PCDH15: variants seen among roughly 807,000 people sequenced by gnomAD.
The protein encoded by PCDH15 is protocadherin-15.
Under a neutral mutation model 178.5 loss-of-function variants are expected in PCDH15, and 129 were observed. The observed-to-expected ratio is 0.72, with a 90% CI of 0.63 to 0.84. The LOEUF (loss-of-function observed/expected upper bound fraction) is 0.84. Ranked by LOEUF, PCDH15 falls within the 40% of genes least tolerant of loss-of-function variation. The pLI is 0.00. For missense variants in PCDH15, 2,230 were observed against 2,099.9 expected (o/e 1.06, Z -1.21); for synonymous variants, 800 against 732.0 (o/e 1.09, Z -1.50).
At position 54,935,752 on chromosome 10, in the gene PCDH15, C is replaced by T. The variant is rs117232370; in HGVS notation, c.-79-38252G>A. On this transcript the variant is annotated intron_variant, in intron 2 of 5. Coordinates refer to the PCDH15 transcript ENST00000458638. Reference sequence around the variant, plus strand: ...ACCACATAATTCCTTTCTATTATTGCCTCTGAATTTTTTTATACTATTTCA... The same window carrying T: ...ACCACATAATTCCTTTCTATTATTGTCTCTGAATTTTTTTATACTATTTCA... Among the ~76,000 whole-genome samples, 898 of 152,060 alleles carry T rather than the reference C, an allele frequency of 5.9e-3. 7 individuals are homozygous for T. Among genetic ancestry groups the T allele is most frequent in the Middle Eastern group, 0.01 (3 of 294 alleles).
intron 2 of PCDH15, among the ~76,000 whole-genome samples, chr10:55,374,418 A>G (rs990819001): frequency 6.6e-6 from 1 of 152,012 alleles, no homozygotes; most frequent in Admixed American, 6.6e-5. Context: ...CCAGTGCTTG[A>G]CTGAATTATG....
chr10:54,666,847 C>T (rs138349058), intron 1 of PCDH15, among the ~76,000 whole-genome samples: 10 of 152,068 alleles, frequency 6.6e-5, no homozygotes, highest in Non-Finnish European at 8.8e-5. Context: ...TAGTATTATG[C>T]ATTCACAAAT....
chr10:54,517,526 A>T (rs1318744343), intron 3 of PCDH15, among the ~76,000 whole-genome samples: 1 of 152,090 alleles, frequency 6.6e-6, no homozygotes, highest in East Asian at 1.9e-4. Flanking sequence ...CTAAATATAT[A>T]TGCACCCAAT....
At chr10:53,981,389 T>C (rs183534890) in intron 21 of PCDH15, among the ~76,000 whole-genome samples, 5 of 152,110 alleles carry the variant, frequency 3.3e-5, no homozygotes, top group Non-Finnish European at 5.9e-5. Flanking sequence ...GGAATTTCAG[T>C]GAGGCATCAC....
chr10:55,198,642 C>G (rs1309350787), intron 1 of PCDH15, among the ~76,000 whole-genome samples: 1 of 151,594 alleles, frequency 6.6e-6, no homozygotes, highest in Non-Finnish European at 1.5e-5. Flanking sequence ...CACCCGCCAC[C>G]ACGCCCAGCT....
intron 8 of PCDH15, among the ~76,000 whole-genome samples, chr10:54,240,726 G>A (rs902912189): frequency 2.7e-5 from 4 of 147,166 alleles, no homozygotes; most frequent in East Asian, 2.0e-4. Context: ...CCGCCTCCCG[G>A]GTTCACGCCA....
At chr10:54,207,100 A>C (rs2050874673) in intron 10 of PCDH15, among the ~76,000 whole-genome samples, 1 of 152,070 alleles carries the variant, frequency 6.6e-6, no homozygotes, top group African/African-American at 2.4e-5. Context: ...GCCAAATAAA[A>C]TGTCACCTCT....
At position 55,467,342 on chromosome 10, in the gene PCDH15, G is replaced by C. The variant is rs576815776; in HGVS notation, c.-156+160283C>G. Among the ~76,000 whole-genome samples the C allele has an allele frequency of 1.2e-3, 185 of 150,008 alleles. 2 individuals carry two copies. The highest frequency in any genetic ancestry group is 4.3e-3 in the African/African-American group (175 of 40,878). ...ACTCCCATGAGAGGAAAAGGAAACA[G>C]GAGGAAAAGAAAAGCCTGATCTTGG... is the stretch of plus-strand genomic sequence containing the variant. On this transcript the variant is annotated intron_variant, in intron 2 of 5. Transcript: ENST00000613346.
chr10:55,400,113 C>T (rs1186040288), intron 2 of PCDH15, among the ~76,000 whole-genome samples: 1 of 152,112 alleles, frequency 6.6e-6, no homozygotes, highest in Admixed American at 6.6e-5. Flanking sequence ...ATGCACACCT[C>T]ATCCTGTTTT....
chr10:54,793,812 G>T (rs915313955), intron 1 of PCDH15, among the ~76,000 whole-genome samples: 1 of 148,744 alleles, frequency 6.7e-6, no homozygotes, highest in African/African-American at 2.4e-5. Flanking sequence ...GTTAAATAGC[G>T]TAATAGGAAG....
At chr10:55,075,468 C>G (rs1203809288) in intron 2 of PCDH15, among the ~76,000 whole-genome samples, 5 of 150,522 alleles carry the variant, frequency 3.3e-5, no homozygotes, top group Non-Finnish European at 7.4e-5. Context: ...CGGGTTCAAG[C>G]GATTCCCCAG....
At chr10:55,579,984 G>A (rs989110371) in intron 2 of PCDH15, among the ~76,000 whole-genome samples, 1 of 151,984 alleles carries the variant, frequency 6.6e-6, no homozygotes, top group Non-Finnish European at 1.5e-5. Context: ...AACCTCCCGA[G>A]TAGCTGGGAT....
chr10:54,799,543 A>C (rs1206802052), intron 1 of PCDH15, among the ~76,000 whole-genome samples: 1 of 152,142 alleles, frequency 6.6e-6, no homozygotes, highest in Admixed American at 6.6e-5. Context: ...ACACTTAGGT[A>C]GCACAAACTC....
At chr10:54,658,592 A>G (rs2094444916) in intron 2 of PCDH15, among the ~76,000 whole-genome samples, 1 of 152,172 alleles carries the variant, frequency 6.6e-6, no homozygotes, top group Admixed American at 6.5e-5. Flanking sequence ...AGCAAGTGGT[A>G]AGGGAAATTT....
At chr10:54,231,998 T>G (rs1160036892) in intron 9 of PCDH15, among the ~76,000 whole-genome samples, 1 of 152,306 alleles carries the variant, frequency 6.6e-6, no homozygotes, top group Non-Finnish European at 1.5e-5. Flanking sequence ...CAGTTAAGAC[T>G]TGGGGAACTG....
At chr10:54,375,880 A>AATATAT (rs35626392) in intron 4 of PCDH15, among the ~76,000 whole-genome samples, 11 of 129,580 alleles carry the variant, frequency 8.5e-5, no homozygotes, top group African/African-American at 2.4e-4. Context: ...TTTGAAACGG[A>AATATAT]ATATATATAT....
rs562717378 is a variant in PCDH15 at position 55,611,488 on chromosome 10, A to G, written c.-156+16137T>C. On this transcript the variant is annotated intron_variant, in intron 2 of 5. Transcript: ENST00000613346. ...TACTCATTTTAGAATGGCTATTACAAAGAAAAATGAAAGACAAGTGTTGGT... is the reference window on the plus strand; with the variant it reads ...TACTCATTTTAGAATGGCTATTACAGAGAAAAATGAAAGACAAGTGTTGGT... 7.9e-5 allele frequency among the ~76,000 whole-genome samples: 12 copies of G among 152,250 alleles called. No homozygotes were observed. In the South Asian group the frequency reaches 2.5e-3, roughly 32 times the overall value.
intron 26 of PCDH15, among the ~76,000 whole-genome samples, chr10:53,901,182 T>C (rs2082311424): frequency 6.6e-6 from 1 of 151,898 alleles, no homozygotes; most frequent in African/African-American, 2.4e-5. Flanking sequence ...GTCAAACCCA[T>C]TTTCAGGGTG....
intron 2 of PCDH15, among the ~76,000 whole-genome samples, chr10:55,026,124 A>G (rs1840469396): frequency 6.6e-6 from 1 of 152,002 alleles, no homozygotes; most frequent in Non-Finnish European, 1.5e-5. Flanking sequence ...CTACCACACA[A>G]TGTAAGTCAT....
Sources: allele counts gnomAD v4.1 joint callset (sites outside exome capture counted in the v4.1 genomes callset), GRCh38; gene constraint gnomAD v4.1.1; transcripts MANE v1.5; gene names NCBI Gene and HGNC (gene_info 2026-07-23, HGNC 2026-07-21).